Variants in AKAP9 observed in about 807,000 individuals in gnomAD.
AKAP9 encodes the protein A-kinase anchor protein 9.
Under a neutral mutation model 488.5 loss-of-function variants are expected in AKAP9, and 311 were observed. The observed-to-expected ratio is 0.64, with a 90% CI of 0.58 to 0.70. The LOEUF is 0.70. Ranked by LOEUF, AKAP9 falls within the 30% of genes least tolerant of loss-of-function variation. The pLI, the probability that AKAP9 is intolerant of heterozygous loss-of-function variation, is 0.00. For missense variants in AKAP9, 4,215 were observed against 4,374.5 expected (o/e 0.96, Z 1.03); for synonymous variants, 1,462 against 1,483.5 (o/e 0.99, Z 0.33).
At chr7:92,077,926 AG>A (rs757477599) in intron 30 of AKAP9, 51 bp downstream of exon 30, 15 of 1,390,308 alleles carry the variant, frequency 1.1e-5, no homozygotes. Flanking sequence ...AGAGTTTTAA[AG>A]GGCAAAATGG....
chr7:92,027,919 A>G (rs568548411), intron 14 of AKAP9, among the ~76,000 whole-genome samples: 1 of 152,188 alleles, frequency 6.6e-6, no homozygotes, highest in East Asian at 1.9e-4. Context: ...AGAAGTAGAC[A>G]TAGGAGACTC....
chr7:92,053,082 A>G (rs1260743327), intron 22 of AKAP9, 124 bp downstream of exon 22: 4 of 760,788 alleles, frequency 5.3e-6, no homozygotes, highest in African/African-American at 3.5e-5. Flanking sequence ...GCTTGAATGC[A>G]TATGCATCTT....
chr7:91,950,085 G>T (rs931112566), intron 1 of AKAP9, among the ~76,000 whole-genome samples: 2 of 152,098 alleles, frequency 1.3e-5, no homozygotes, highest in Admixed American at 1.3e-4. Context: ...CTGATTTACA[G>T]ATCTCTGAAA....
In AKAP9 at chr7:92,070,958, A is replaced by T; in HGVS notation, c.6561A>T (p.Leu2187=). 6.2e-7 allele frequency: 1 copy of T among 1,614,120 alleles called. No individual in the cohort carries two copies. The highest frequency in any genetic ancestry group is 8.5e-7 in the Non-Finnish European group (1 of 1,179,978). ...GAVEAKPELS[L]EVQLQAERDA... ...TAGAAGCTAAACCAGAATTGTCCCT[A>T]GAAGTACAATTGCAGGCTGAACGAG... The change falls in exon 28 of 50, where the codon CTA becomes CTT. Residue 2187 remains leucine, a synonymous_variant. Transcript: ENST00000356239.
chr7:91,981,674 G>A (rs1215315078), intron 3 of AKAP9, among the ~76,000 whole-genome samples: 1 of 143,500 alleles, frequency 7.0e-6, no homozygotes, highest in Non-Finnish European at 1.5e-5. Flanking sequence ...CAGTGGTGCA[G>A]TGTTGGCTCA....
intron 1 of AKAP9, among the ~76,000 whole-genome samples, chr7:91,961,648 TC>T (rs1254590203): frequency 6.6e-6 from 1 of 151,672 alleles, no homozygotes; most frequent in Non-Finnish European, 1.5e-5. Context: ...ATTGAGACCA[TC>T]CTAGCTAACA....
chr7:92,037,191 A>C (rs1805343208), intron 16 of AKAP9, among the ~76,000 whole-genome samples: 1 of 152,302 alleles, frequency 6.6e-6, no homozygotes, highest in East Asian at 1.9e-4. Context: ...AGATTCATTT[A>C]GTTGTGGAAT....
intron 17 of AKAP9, among the ~76,000 whole-genome samples, chr7:92,039,793 G>A (rs1805763565): frequency 6.6e-6 from 1 of 152,004 alleles, no homozygotes; most frequent in Admixed American, 6.6e-5. Context: ...TAGCCAACAT[G>A]GTAAAACCCC....
chr7:91,970,630 G>C, intron 1 of AKAP9: 1 of 380,760 alleles, frequency 2.6e-6, no homozygotes, highest in Non-Finnish European at 5.1e-6. Flanking sequence ...TTTTCCTTCA[G>C]CACTTTGAAC....
chr7:91,949,100 T>A (rs1791876618), intron 1 of AKAP9, among the ~76,000 whole-genome samples: 2 of 151,938 alleles, frequency 1.3e-5, no homozygotes, highest in African/African-American at 2.4e-5. Flanking sequence ...CCTTGCCCAT[T>A]TTTTAATTGG....
chr7:92,001,087 T>C lies in AKAP9; in HGVS notation c.1170T>C (p.Ser390=). ...LTNSKQKERQ[S]SEEIKQLMGT... ...ATTCTAAGCAAAAAGAAAGACAGTCTTCTGAAGAAATAAAACAGTTAATGG... is the reference window on the plus strand; with the variant it reads ...ATTCTAAGCAAAAAGAAAGACAGTCCTCTGAAGAAATAAAACAGTTAATGG... Residue 390 remains serine (S), a synonymous_variant, in exon 8 of 50, where the codon TCT becomes TCC. Coordinates refer to ENST00000356239, the MANE Select transcript of AKAP9 (RefSeq NM_005751.5). The C allele has an allele frequency of 6.2e-7, 1 of 1,613,802 alleles. No homozygotes were observed. Among genetic ancestry groups the C allele is most frequent in the Non-Finnish European group, 8.5e-7 (1 of 1,179,860 alleles).
At chr7:92,072,213 G>A (rs927366087) in intron 28 of AKAP9, among the ~76,000 whole-genome samples, 1 of 152,088 alleles carries the variant, frequency 6.6e-6, no homozygotes. Context: ...CTTGAATTAA[G>A]TATCTAATAA....
At chr7:92,102,264 A>G (rs1044999218) in intron 45 of AKAP9, among the ~76,000 whole-genome samples, 6 of 151,264 alleles carry the variant, frequency 4.0e-5, no homozygotes, top group African/African-American at 1.2e-4. Context: ...TTGGGATGAC[A>G]AAAATATTTG....
chr7:92,094,610 G>A (rs569037098), intron 39 of AKAP9, among the ~76,000 whole-genome samples: 4 of 152,182 alleles, frequency 2.6e-5, no homozygotes, highest in South Asian at 4.2e-4. Context: ...CAAGACAGGC[G>A]GATCATGAGG....
intron 46 of AKAP9, among the ~76,000 whole-genome samples, chr7:92,103,211 A>G (rs1384385297): frequency 1.3e-5 from 2 of 151,212 alleles, no homozygotes; most frequent in Non-Finnish European, 2.9e-5. Flanking sequence ...CAACATGGTG[A>G]AACCCTATCT....
At chr7:92,099,594 G>A (rs1817186007) in intron 43 of AKAP9, 93 bp from the exon 44 acceptor site, 2 of 1,210,902 alleles carry the variant, frequency 1.7e-6, no homozygotes, top group Non-Finnish European at 2.4e-6. Context: ...ACCAATTCAT[G>A]AATTCTGTTG....
intron 1 of AKAP9, among the ~76,000 whole-genome samples, chr7:91,955,732 C>A (rs1248114432): frequency 6.6e-6 from 1 of 152,194 alleles, no homozygotes; most frequent in African/African-American, 2.4e-5. Flanking sequence ...CTCCCGGGTT[C>A]AAGTGATTCT....
chr7:92,061,528 A>G, intron 23 of AKAP9, 106 bp downstream of exon 23: 1 of 1,244,572 alleles, frequency 8.0e-7, no homozygotes, highest in Non-Finnish European at 1.1e-6. Context: ...ATTTAGAATG[A>G]CCATTAAAAA....
intron 3 of AKAP9, among the ~76,000 whole-genome samples, chr7:91,982,166 CGTATGTATGTATGTATGTAT>C (rs201231009): frequency 0.014 from 2,171 of 150,362 alleles, 45 homozygotes; most frequent in African/African-American, 0.051. Context: ...ATTTTACGTA[CGTATGTATGTATGTATGTAT>C]GTATGTATGT....
Sources: allele counts gnomAD v4.1 joint callset (sites outside exome capture counted in the v4.1 genomes callset), GRCh38; gene constraint gnomAD v4.1.1; transcripts MANE v1.5; gene names NCBI Gene and HGNC (gene_info 2026-07-23, HGNC 2026-07-21).